Variants in TXNIP observed in about 807,000 individuals in gnomAD.
The protein encoded by TXNIP is thioredoxin interacting protein.
Under a neutral mutation model 43.9 loss-of-function variants are expected in TXNIP, and 23 were observed. The observed-to-expected ratio is 0.52, with a 90% CI of 0.38 to 0.74. The LOEUF is 0.74. TXNIP is among the 30% of genes least tolerant of loss of function. The probability of loss-of-function intolerance (pLI) is 0.00; values close to 1 mark genes in which losing one functional copy is unlikely to be tolerated. For synonymous variants in TXNIP, 234 were observed against 172.2 expected (o/e 1.36, Z -2.81); for missense variants, 555 against 485.4 (o/e 1.14, Z -1.35).
chr1:145,995,195 CTT>C lies in TXNIP; in HGVS notation c.418_419del (p.Lys140GlufsTer4), dbSNP rs1559266826. ...CCAGATCCACTACTTCAAAGTTTTT[CTT>C]TGTCTCTTGAGTTGGCTGGCTCGGG... Reference protein sequence around the residue: ...DRPSQPTQETKKNFEVVDLVD... With the variant: ...DRPSQPTQETXKNFEVVDLVD... On this transcript the variant is annotated frameshift_variant, in exon 3 of 8. Coordinates refer to ENST00000582401, the MANE Select transcript of TXNIP (RefSeq NM_006472.6). LOFTEE classifies it high-confidence loss of function. 1 of 1,614,092 alleles carries C rather than the reference CTT, an allele frequency of 6.2e-7. No individual in the cohort carries two copies. The highest frequency in any genetic ancestry group is 8.5e-7 in the Non-Finnish European group (1 of 1,179,994).
chr1:145,993,767 T>A lies in TXNIP; in HGVS notation c.*84A>T. Reference sequence around the variant, plus strand: ...TGGACCCACACTCCATTGCAGAGACTGTTGAGTCTCTGAAAAAGTGAGTGT... The same window carrying A: ...TGGACCCACACTCCATTGCAGAGACAGTTGAGTCTCTGAAAAAGTGAGTGT... On this transcript the variant is annotated 3_prime_UTR_variant, in exon 8 of 8. Coordinates refer to ENST00000582401, the MANE Select transcript of TXNIP (RefSeq NM_006472.6). 1 of 1,521,844 alleles carries A rather than the reference T, an allele frequency of 6.6e-7. No individual in the cohort carries two copies. The highest frequency in any genetic ancestry group is 2.3e-5 in the East Asian group (1 of 44,086). The allele number at this position is 1,521,844 out of a possible 1,614,324, so 94.3% of individuals were successfully genotyped here.
In TXNIP at chr1:145,995,137, A is replaced by G; in HGVS notation, c.471+7T>C. ...CAGGAGAATAGAATCTTTAAAATGGATCTCACCATTAAATCAGGGGTATTG... is the reference window on the plus strand; with the variant it reads ...CAGGAGAATAGAATCTTTAAAATGGGTCTCACCATTAAATCAGGGGTATTG... On this transcript the variant is annotated splice_region_variant and intron_variant, in intron 3 of 7. Transcript: ENST00000582401. 5 of 1,614,034 alleles carry G rather than the reference A, an allele frequency of 3.1e-6. No homozygotes were observed. Among genetic ancestry groups the G allele is most frequent in the East Asian group, 2.2e-5 (1 of 44,882 alleles).
intron 1 of TXNIP, 51 bp from the exon 2 acceptor site, chr1:145,995,527 A>T: frequency 1.3e-6 from 2 of 1,554,998 alleles, no homozygotes; most frequent in Non-Finnish European, 1.8e-6. Flanking sequence ...TACACTTAAA[A>T]TGCATCTGTG....
rs969178468 is a variant in TXNIP, at chr1:145,992,982, C to T, written c.*869G>A. 6.6e-6 allele frequency: 1 copy of T among 152,634 alleles called. No homozygotes were observed. Among genetic ancestry groups the T allele is most frequent in the Admixed American group, 6.5e-5 (1 of 15,268 alleles). The allele number at this position is 152,634 out of a possible 1,614,324, so 9.5% of individuals were successfully genotyped here. On this transcript the variant is annotated 3_prime_UTR_variant, in exon 8 of 8. Transcript: ENST00000582401. The stretch of plus-strand genomic sequence containing the variant: ...TTGTCTTTTGGCTTAACCCTAGAGA[C>T]ACAGTAGACCAGTTTCAGCTTACAT...
intron 6 of TXNIP, 36 bp from the exon 7 acceptor site, chr1:145,994,203 C>G (rs1553765940): frequency 1.2e-6 from 2 of 1,613,128 alleles, no homozygotes; most frequent in East Asian, 2.2e-5. Context: ...AGAATCCTGC[C>G]CAAGAAATGC....
In TXNIP at chr1:145,995,053, G is replaced by A. The variant is rs1553766231; in HGVS notation, c.472-22C>T. ...GTGCCTATATAGAAGGGGATAAAAA[G>A]GTGTTTTGAGATGCTTCAATCTAAT... On this transcript the variant is annotated intron_variant, in intron 3 of 7. Transcript: ENST00000582401. 7 of 1,613,572 alleles carry A rather than the reference G, an allele frequency of 4.3e-6. No homozygotes were observed. In the Admixed American group the frequency reaches 6.7e-5, roughly 15 times the overall value.
rs782167280 is a variant in TXNIP at position 145,994,107 on chromosome 1, G to A, written c.1049C>T (p.Pro350Leu). The change falls in exon 7 of 8, where the codon CCT (proline) becomes CTT (leucine). Residue 350 changes from proline to leucine, a missense_variant. Coordinates refer to ENST00000582401, the MANE Select transcript of TXNIP (RefSeq NM_006472.6). ...EDHRLESPTT[P>L]LLDDMDGSQD... The stretch of plus-strand genomic sequence containing the variant: ...AGAGCCATCCATGTCATCTAGCAGA[G>A]GAGTGGTTGGGCTCTCCAATCGGTG... 7 of 1,614,078 alleles carry A rather than the reference G, an allele frequency of 4.3e-6. No individual in the cohort carries two copies. The African/African-American group carries it at 5.3e-5, about 12-fold the overall frequency.
intron 7 of TXNIP, 64 bp from the exon 8 acceptor site, chr1:145,993,950 T>C: frequency 6.2e-7 from 1 of 1,613,484 alleles, no homozygotes; most frequent in Admixed American, 1.7e-5. Flanking sequence ...AGTTTAGCAA[T>C]CCGTCTAAGT....
chr1:145,994,190 A>C (rs374938819), intron 6 of TXNIP, 23 bp from the exon 7 acceptor site: 3 of 1,613,552 alleles, frequency 1.9e-6, no homozygotes, highest in East Asian at 2.2e-5. Flanking sequence ...ATATGGCCAC[A>C]TAAGAATCCT....
chr1:145,996,442 T>C lies in TXNIP; in HGVS notation c.-176A>G. ...AACAAATGAATATTAACTACTAGGT[T>C]TTCGAAAAGGCGCCTAAAAAATATA... On this transcript the variant is annotated 5_prime_UTR_variant, in exon 1 of 8. Transcript: ENST00000582401. The C allele has an allele frequency of 1.4e-6, 1 of 733,708 alleles. No individual in the cohort carries two copies. The allele number at this position is 733,708 out of a possible 1,614,324, so 45.4% of individuals were successfully genotyped here.
At position 145,995,002 on chromosome 1, in the gene TXNIP, T is replaced by G; in HGVS notation, c.501A>C (p.Lys167Asn). ...CATCAGGAATGAACATGCAGGAAACTTTCTTTTCTTTTTTAGCAGACACAG... is the reference window on the plus strand; with the variant it reads ...CATCAGGAATGAACATGCAGGAAACGTTCTTTTCTTTTTTAGCAGACACAG... ...MAPVSAKKEK[K>N]VSCMFIPDGR... The change falls in exon 4 of 8, where the codon AAA becomes AAC. Residue 167 changes from lysine (K) to asparagine (N), a missense_variant. Lys to Asn is a moderately conservative substitution (Grantham distance 94). Coordinates refer to ENST00000582401, the MANE Select transcript of TXNIP (RefSeq NM_006472.6). 3 of 1,614,076 alleles carry G rather than the reference T, an allele frequency of 1.9e-6. No homozygotes were observed. The highest frequency in any genetic ancestry group is 1.7e-5 in the Admixed American group (1 of 60,010).
chr1:145,995,797 G>T (rs1651486984), intron 1 of TXNIP: 2 of 649,530 alleles, frequency 3.1e-6, no homozygotes, highest in Non-Finnish European at 5.2e-6. Context: ...CGCCCCTCAG[G>T]ATCCCCTTTA....
Position 145,994,061 on chromosome 1 carries a change from C to T in TXNIP, c.1095G>A (p.Met365Ile). Reference sequence around the variant, plus strand: ...GCATGAACTTGAACTCAGGGGCATACATAAAGATAGGGCTGTCTTGAGAGC... The same window carrying T: ...GCATGAACTTGAACTCAGGGGCATATATAAAGATAGGGCTGTCTTGAGAGC... ...MDGSQDSPIFMYAPEFKFMPP... is the reference protein window; with the variant it reads ...MDGSQDSPIFIYAPEFKFMPP... Residue 365 changes from methionine (M) to isoleucine (I), a missense_variant, in exon 7 of 8, where the codon ATG becomes ATA. Physicochemically the swap from Met to Ile is conservative, Grantham distance 10 (BLOSUM62 1). Transcript: ENST00000582401. 1.2e-6 allele frequency: 2 copies of T among 1,614,126 alleles called. No homozygotes were observed. Among genetic ancestry groups the T allele is most frequent in the East Asian group, 2.2e-5 (1 of 44,886 alleles).
intron 1 of TXNIP, chr1:145,995,733 T>G (rs587679322): frequency 1.6e-6 from 1 of 607,624 alleles, no homozygotes; most frequent in Non-Finnish European, 2.9e-6. Flanking sequence ...AAATAGGAAG[T>G]AGACAAAGAA....
Position 145,995,472 on chromosome 1 carries a change from C to A in TXNIP, c.255G>T (p.Glu85Asp). 1 of 1,614,146 alleles carries A rather than the reference C, an allele frequency of 6.2e-7. No individual in the cohort carries two copies. The highest frequency in any genetic ancestry group is 8.5e-7 in the Non-Finnish European group (1 of 1,179,994). ...CAGGTCTCATGATCACCATCTCATT[C>A]TCACCTGAAGGGAAAGAAAATCGAG... is the stretch of plus-strand genomic sequence containing the variant. ...TLLLEDQPTG[E>D]NEMVIMRPGN... is the part of the protein sequence containing the mutation. The change falls in exon 2 of 8, where the codon GAG (glutamate) becomes GAT (aspartate). Residue 85 changes from glutamate (E) to aspartate (D), a missense_variant. Glu to Asp is a conservative substitution (Grantham distance 45, BLOSUM62 2). Coordinates refer to ENST00000582401, the MANE Select transcript of TXNIP (RefSeq NM_006472.6).
Position 145,996,244 on chromosome 1 carries a change from T to C in TXNIP, c.23A>G (p.Lys8Arg), listed in dbSNP as rs1651523579. Residue 8 changes from lysine to arginine, a missense_variant, in exon 1 of 8, where the codon AAG becomes AGG. Transcript: ENST00000582401. MVMFKKIKSFEVVFNDPE... is the reference protein window; with the variant it reads MVMFKKIRSFEVVFNDPE... ...GTCGTTAAAGACCACCTCAAAAGAC[T>C]TGATCTTCTTGAACATCACCATGAT... The C allele has an allele frequency of 1.2e-6, 2 of 1,614,094 alleles. No homozygotes were observed. The highest frequency in any genetic ancestry group is 1.7e-6 in the Non-Finnish European group (2 of 1,180,002).
Position 145,993,797 on chromosome 1 carries a change from G to C in TXNIP, c.*54C>G. The stretch of plus-strand genomic sequence containing the variant: ...AGTCTCTGAAAAAGTGAGTGTCCAG[G>C]AAGAGAGACAAAAAGAAACAAGTAG... On this transcript the variant is annotated 3_prime_UTR_variant, in exon 8 of 8. Coordinates refer to ENST00000582401, the MANE Select transcript of TXNIP (RefSeq NM_006472.6). The C allele has an allele frequency of 6.2e-7, 1 of 1,607,068 alleles. No individual in the cohort carries two copies. Among genetic ancestry groups the C allele is most frequent in the Non-Finnish European group, 8.5e-7 (1 of 1,174,662 alleles).
Position 145,994,636 on chromosome 1 carries a change from A to C in TXNIP, c.739T>G (p.Cys247Gly), listed in dbSNP as rs370801661. 1.2e-6 allele frequency: 2 copies of C among 1,614,078 alleles called. No homozygotes were observed. Among genetic ancestry groups the C allele is most frequent in the Admixed American group, 3.3e-5 (2 of 59,994 alleles). The change falls in exon 5 of 8, where the codon TGC (cysteine) becomes GGC (glycine). Residue 247 changes from cysteine to glycine, a missense_variant. Cys to Gly is a radical substitution (Grantham distance 159). Transcript: ENST00000582401. ...AGGCTCTTGCCACGCCATGATGCGC[A>C]TGTCCCTGAGATAATATGATTGCCT... ...VRGNHIISGT[C>G]ASWRGKSLRV...
intron 1 of TXNIP, 160 bp downstream of exon 1, chr1:145,995,857 G>A: frequency 6.8e-6 from 6 of 879,284 alleles, no homozygotes; most frequent in East Asian, 2.6e-5. Context: ...TTTTGGGGGG[G>A]GAGGAGAATG....
Sources: allele counts gnomAD v4.1 joint callset, GRCh38; gene constraint gnomAD v4.1.1; transcripts MANE v1.5; gene names NCBI Gene and HGNC (gene_info 2026-07-23, HGNC 2026-07-21).